The following LRRCC1 variants were observed in gnomAD, a reference collection of about 807,000 sequenced individuals.
LRRCC1 encodes leucine rich repeat and coiled-coil centrosomal protein 1.
In LRRCC1, 115 loss-of-function variants were observed where a neutral mutation model predicts 126.0. The ratio of observed to expected loss-of-function variants is 0.91; its 90% CI spans 0.78 to 1.07. The LOEUF (loss-of-function observed/expected upper bound fraction) is 1.07. Among genes scored for constraint, LRRCC1 ranks in the 50% least tolerant of loss-of-function variants. LRRCC1 has a pLI of 0.00. For missense variants in LRRCC1, 1,172 were observed against 1,175.7 expected (o/e 1.00, Z 0.05); for synonymous variants, 400 against 393.4 (o/e 1.02, Z -0.20).
At position 85,141,613 on chromosome 8, in the gene LRRCC1, T is replaced by A. The variant is rs1430957536; in HGVS notation, c.2976+96T>A. ...AGAATTATAAAGAGAAAAGGCAACA[T>A]GATCTCATGACCAAATAGATATAAA... On this transcript the variant is annotated intron_variant, in intron 18 of 18. Transcript: ENST00000360375. 14 of 925,122 alleles carry A rather than the reference T, an allele frequency of 1.5e-5. No individual in the cohort carries two copies. The South Asian group carries it at 2.3e-4, about 15-fold the overall frequency. The allele number at this position is 925,122 out of a possible 1,614,324, so 57.3% of individuals were successfully genotyped here.
chr8:85,110,139 C>A lies in LRRCC1; in HGVS notation c.335C>A (p.Thr112Asn). The change falls in exon 3 of 19, where the codon ACT becomes AAT. Residue 112 changes from threonine (T) to asparagine (N), a missense_variant. Physicochemically the swap from Thr to Asn is moderately conservative, Grantham distance 65. Transcript: ENST00000360375. ...VEGLEELINL[T>N]RLNVSYNHID... The stretch of plus-strand genomic sequence containing the variant: ...GGACTTGAAGAACTAATTAATCTGA[C>A]TAGACTAAATGTATCTTATAACCAC... The A allele has an allele frequency of 1.5e-6, 2 of 1,309,494 alleles. No individual in the cohort carries two copies. The highest frequency in any genetic ancestry group is 2.1e-6 in the Non-Finnish European group (2 of 946,552). 81.1% of individuals were successfully genotyped at this position (1,309,494 alleles called of 1,614,324 possible). A position where few individuals can be genotyped will look rare whatever the true frequency, so the allele number is the denominator to read the frequency against.
In LRRCC1 at chr8:85,131,740, TTA is replaced by T. The variant is rs765957053; in HGVS notation, c.1767-16_1767-15del. 10 of 1,585,252 alleles carry T rather than the reference TTA, an allele frequency of 6.3e-6. No individual in the cohort carries two copies. The Admixed American group carries it at 8.9e-5, about 14-fold the overall frequency. ...TCAGGTGAGTATCATCCTTTTATCT[TTA>T]TATGTTTTTCACTCCAGGAAGGAAC... On this transcript the variant is annotated intron_variant, in intron 11 of 18. Coordinates refer to ENST00000360375, the MANE Select transcript of LRRCC1 (RefSeq NM_033402.5).
chr8:85,114,765 A>G (rs1266549934), intron 4 of LRRCC1, among the ~76,000 whole-genome samples: 1 of 152,166 alleles, frequency 6.6e-6, no homozygotes, highest in Non-Finnish European at 1.5e-5. Flanking sequence ...AAAAAATAAA[A>G]GACATGTTTA....
intron 18 of LRRCC1, among the ~76,000 whole-genome samples, chr8:85,144,454 ATATATATATATATATATATATT>A (rs1186323830): frequency 2.8e-5 from 1 of 35,764 alleles, no homozygotes; most frequent in East Asian, 4.7e-4. Flanking sequence ...GTATATATAT[ATATATATATATATATATATATT>A]TTTTTTTTTT....
intron 3 of LRRCC1, 77 bp from the exon 4 acceptor site, chr8:85,112,855 C>A: frequency 9.2e-7 from 1 of 1,087,238 alleles, no homozygotes; most frequent in Non-Finnish European, 1.3e-6. Flanking sequence ...AAAGTATAAC[C>A]TATCTAGCAA....
chr8:85,139,554 C>T (rs1291298491), intron 17 of LRRCC1, among the ~76,000 whole-genome samples: 2 of 152,116 alleles, frequency 1.3e-5, no homozygotes, highest in Non-Finnish European at 2.9e-5. Flanking sequence ...GGGTGAGCCA[C>T]CACGCCCGGC....
At position 85,129,928 on chromosome 8, in the gene LRRCC1, A is replaced by G; in HGVS notation, c.1636A>G (p.Ile546Val). 1.9e-6 allele frequency: 3 copies of G among 1,575,054 alleles called. No homozygotes were observed. The South Asian group carries it at 3.5e-5, about 19-fold the overall frequency. ...TGGGTATTTTACTCAGATAAGACTGATCCAAGAGGTGGAACTCAAAGCTTC... is the reference window on the plus strand; with the variant it reads ...TGGGTATTTTACTCAGATAAGACTGGTCCAAGAGGTGGAACTCAAAGCTTC... ...RQQQAAQIRL[I>V]QEVELKASAA... The change falls in exon 11 of 19, where the codon ATC becomes GTC. Residue 546 changes from isoleucine to valine, a missense_variant. Transcript: ENST00000360375.
Position 85,109,746 on chromosome 8 carries a change from C to G in LRRCC1, c.256C>G (p.Leu86Val), listed in dbSNP as rs373743121. The G allele has an allele frequency of 4.4e-5, 70 of 1,599,240 alleles. No individual in the cohort carries two copies. The highest frequency in any genetic ancestry group is 5.9e-5 in the Non-Finnish European group (69 of 1,170,118). Reference sequence around the variant, plus strand: ...AAGTAGAATTGAAGGACTAAACACACTGACAAAACTGTGCACATTAAATTT... The same window carrying G: ...AAGTAGAATTGAAGGACTAAACACAGTGACAAAACTGTGCACATTAAATTT... ...QISRIEGLNTLTKLCTLNLSC... is the reference protein window; with the variant it reads ...QISRIEGLNTVTKLCTLNLSC... Residue 86 changes from leucine (L) to valine (V), a missense_variant, in exon 2 of 19, where the codon CTG (leucine) becomes GTG (valine). Coordinates refer to ENST00000360375, the MANE Select transcript of LRRCC1 (RefSeq NM_033402.5).
At chr8:85,115,776 A>C (rs1341995886) in intron 6 of LRRCC1, among the ~76,000 whole-genome samples, 192 bp downstream of exon 6, 1 of 151,936 alleles carries the variant, frequency 6.6e-6, no homozygotes, top group African/African-American at 2.4e-5. Flanking sequence ...TAAATTTTTC[A>C]CTCACTTTAC....
In LRRCC1 at chr8:85,115,170, A is replaced by G; in HGVS notation, c.615A>G (p.Glu205=). Residue 205 remains glutamate (E), a synonymous_variant, in exon 5 of 19, where the codon GAA becomes GAG. Coordinates refer to ENST00000360375, the MANE Select transcript of LRRCC1 (RefSeq NM_033402.5). The part of the protein sequence containing the change: ...RILDCKNIFG[E]PVNLTEINSS... ...TAGATTGCAAGAACATATTTGGTGA[A>G]CCAGTAAATTTGACAGAAATAAATT... 6.2e-7 allele frequency: 1 copy of G among 1,613,042 alleles called. No individual in the cohort carries two copies.
intron 12 of LRRCC1, 25 bp from the exon 13 acceptor site, chr8:85,134,822 T>C: frequency 1.4e-6 from 2 of 1,480,808 alleles, no homozygotes; most frequent in South Asian, 1.3e-5. Flanking sequence ...AGAACTGCTA[T>C]TTATAATACA....
At chr8:85,133,726 C>T (rs1304585401) in intron 12 of LRRCC1, among the ~76,000 whole-genome samples, 1 of 152,192 alleles carries the variant, frequency 6.6e-6, no homozygotes, top group African/African-American at 2.4e-5. Flanking sequence ...CTTACCACCT[C>T]TAACACAGCC....
chr8:85,107,655 C>A, intron 1 of LRRCC1: 1 of 341,718 alleles, frequency 2.9e-6, no homozygotes, highest in Non-Finnish European at 5.3e-6. Context: ...GAAACTGCCC[C>A]AGGACCTTGT....
At chr8:85,136,460 A>G (rs1563955558) in intron 14 of LRRCC1, among the ~76,000 whole-genome samples, 1 of 152,038 alleles carries the variant, frequency 6.6e-6, no homozygotes, top group Non-Finnish European at 1.5e-5. Flanking sequence ...TTTTTAGTAT[A>G]GACGGGGTTT....
Position 85,107,313 on chromosome 8 carries a change from G to T in LRRCC1, c.18G>T (p.Ala6=). 1.2e-6 allele frequency: 2 copies of T among 1,612,396 alleles called. No homozygotes were observed. Among genetic ancestry groups the T allele is most frequent in the Non-Finnish European group, 8.5e-7 (1 of 1,179,492 alleles). Residue 6 remains alanine (A), a synonymous_variant, in exon 1 of 19, where the codon GCG becomes GCT. Coordinates refer to ENST00000360375, the MANE Select transcript of LRRCC1 (RefSeq NM_033402.5). The stretch of plus-strand genomic sequence containing the variant: ...CCAGTGCTATGGAGGCGGCGGCGGC[G>T]GTGGTGGCGGCAGAGGCGGAAGTGG... MEAAA[A]VVAAEAEVEN...
intron 1 of LRRCC1, 158 bp from the exon 2 acceptor site, chr8:85,109,437 C>T (rs1385584517): frequency 3.5e-6 from 2 of 578,810 alleles, no homozygotes; most frequent in Non-Finnish European, 6.1e-6. Context: ...TAAGAAGCAC[C>T]GTGTTTTGTG....
intron 12 of LRRCC1, among the ~76,000 whole-genome samples, chr8:85,133,267 T>C (rs1587427158): frequency 6.6e-6 from 1 of 152,196 alleles, no homozygotes; most frequent in African/African-American, 2.4e-5. Context: ...CCATACTCTT[T>C]CTTTGCTTGG....
At position 85,115,131 on chromosome 8, in the gene LRRCC1, A is replaced by C. The variant is rs761079593; in HGVS notation, c.576A>C (p.Pro192=). The part of the protein sequence containing the change: ...GYRAVILQTL[P]QLRILDCKNI... ...GAGCAGTTATTCTCCAGACTTTGCC[A>C]CAGCTTAGAATCCTAGATTGCAAGA... The change falls in exon 5 of 19, where the codon CCA becomes CCC. Residue 192 remains proline (P), a synonymous_variant. Coordinates refer to ENST00000360375, the MANE Select transcript of LRRCC1 (RefSeq NM_033402.5). The C allele has an allele frequency of 5.6e-6, 9 of 1,608,154 alleles. No homozygotes were observed. In the South Asian group the frequency reaches 1.0e-4, roughly 18 times the overall value.
At position 85,129,367 on chromosome 8, in the gene LRRCC1, G is replaced by A. The variant is rs1338823371; in HGVS notation, c.1614G>A (p.Gln538=). 1 of 1,610,804 alleles carries A rather than the reference G, an allele frequency of 6.2e-7. No homozygotes were observed. The highest frequency in any genetic ancestry group is 8.5e-7 in the Non-Finnish European group (1 of 1,179,070). ...AAATGGAGAGACAAAAAAGGCAGCA[G>A]CAGGCAGCACAGGTATTTCTCTATT... The part of the protein sequence containing the change: ...LEKMERQKRQ[Q]QAAQIRLIQE... Residue 538 remains glutamine, a synonymous_variant, in exon 10 of 19, where the codon CAG becomes CAA. Coordinates refer to ENST00000360375, the MANE Select transcript of LRRCC1 (RefSeq NM_033402.5).
Sources: allele counts gnomAD v4.1 joint callset (sites outside exome capture counted in the v4.1 genomes callset), GRCh38; gene constraint gnomAD v4.1.1; transcripts MANE v1.5; gene names NCBI Gene and HGNC (gene_info 2026-07-23, HGNC 2026-07-21).